PTPRD: variants seen among roughly 807,000 people sequenced by gnomAD.
PTPRD encodes protein tyrosine phosphatase receptor type D, also known as receptor-type tyrosine-protein phosphatase delta.
Under a neutral mutation model 214.5 loss-of-function variants are expected in PTPRD, and 34 were observed. The observed-to-expected ratio is 0.16, with a 90% CI of 0.12 to 0.21. PTPRD has a LOEUF of 0.21. Among genes scored for constraint, PTPRD ranks in the 10% least tolerant of loss-of-function variants. PTPRD has a pLI of 1.00. For missense variants in PTPRD, 2,545 were observed against 2,398.7 expected, an observed-to-expected ratio of 1.06 and a Z score of -1.27; for synonymous variants, 1,128 against 845.7, an observed-to-expected ratio of 1.33 and a Z score of -5.79.
chr9:10,197,475 C>T (rs1439732972), intron 3 of PTPRD, among the ~76,000 whole-genome samples: 2 of 152,078 alleles, frequency 1.3e-5, no homozygotes, highest in South Asian at 4.2e-4. Flanking sequence ...GGCATTACTC[C>T]CTATATAATT....
chr9:9,336,892 C>T (rs1193746578), intron 9 of PTPRD, among the ~76,000 whole-genome samples: 2 of 151,954 alleles, frequency 1.3e-5, no homozygotes, highest in Non-Finnish European at 2.9e-5. Flanking sequence ...TTGTGAACTT[C>T]GACAGCTATT....
intron 10 of PTPRD, among the ~76,000 whole-genome samples, chr9:9,056,607 T>C (rs778535011): frequency 3.9e-5 from 6 of 152,208 alleles, no homozygotes; most frequent in Non-Finnish European, 7.3e-5. Flanking sequence ...AAAAGAGTGG[T>C]TTAAGACTTC....
chr9:10,584,573 T>C (rs2073272004), intron 2 of PTPRD, among the ~76,000 whole-genome samples: 1 of 152,174 alleles, frequency 6.6e-6, no homozygotes, highest in South Asian at 2.1e-4. Context: ...GGTAGACTTC[T>C]TTACATTTTC....
chr9:8,346,388 G>C (rs993430940), intron 39 of PTPRD, among the ~76,000 whole-genome samples: 2 of 152,076 alleles, frequency 1.3e-5, no homozygotes, highest in African/African-American at 4.8e-5. Context: ...ACATCATATA[G>C]AGTAGTCCCC....
At chr9:8,494,007 G>GACACACAC (rs761859777) in intron 26 of PTPRD, among the ~76,000 whole-genome samples, 5 of 91,576 alleles carry the variant, frequency 5.5e-5, no homozygotes, top group African/African-American at 1.1e-4. Context: ...CAGACACACA[G>GACACACAC]ACACACACAC....
intron 9 of PTPRD, among the ~76,000 whole-genome samples, chr9:9,276,033 C>T (rs187989335): frequency 3.3e-5 from 5 of 151,444 alleles, no homozygotes; most frequent in African/African-American, 2.4e-5. Context: ...AAGACATCAT[C>T]TCAGCCCTAG....
chr9:9,507,828 T>A (rs1488366144), intron 8 of PTPRD, among the ~76,000 whole-genome samples: 6 of 151,484 alleles, frequency 4.0e-5, no homozygotes, highest in Non-Finnish European at 7.4e-5. Context: ...TTCAGGTTGC[T>A]ATGGTAATTA....
chr9:9,921,752 TAA>T (rs201619783), intron 5 of PTPRD, among the ~76,000 whole-genome samples: 13,072 of 135,752 alleles, frequency 0.096, 1,209 homozygotes, highest in East Asian at 0.29. Context: ...TTTATAGAAG[TAA>T]AAAAAAAAAA....
chr9:9,309,951 T>A (rs1595570454), intron 9 of PTPRD, among the ~76,000 whole-genome samples: 1 of 152,148 alleles, frequency 6.6e-6, no homozygotes, highest in East Asian at 1.9e-4. Flanking sequence ...GTGTGAAGAT[T>A]TTTTTTTCCC....
At chr9:10,493,045 T>C (rs1465381143) in intron 2 of PTPRD, among the ~76,000 whole-genome samples, 1 of 152,096 alleles carries the variant, frequency 6.6e-6, no homozygotes, top group Non-Finnish European at 1.5e-5. Flanking sequence ...TTACAAGAGA[T>C]GTGAGGGACC....
intron 35 of PTPRD, among the ~76,000 whole-genome samples, chr9:8,410,232 G>C (rs756561720): frequency 7.9e-5 from 12 of 152,226 alleles, no homozygotes; most frequent in Non-Finnish European, 1.6e-4. Flanking sequence ...TTTCTTCAAA[G>C]AGAAGAGCAT....
intron 10 of PTPRD, among the ~76,000 whole-genome samples, chr9:9,040,159 T>A (rs942904170): frequency 6.6e-6 from 1 of 152,198 alleles, no homozygotes; most frequent in Non-Finnish European, 1.5e-5. Context: ...GAAAGGGCTA[T>A]GAAACTCAAG....
intron 2 of PTPRD, among the ~76,000 whole-genome samples, chr9:10,604,540 G>A (rs1373455701): frequency 2.0e-5 from 3 of 151,788 alleles, no homozygotes; most frequent in Non-Finnish European, 4.4e-5. Context: ...CTTAATCCCT[G>A]AGACAATTAT....
chr9:10,453,336 T>C (rs1426721114), intron 2 of PTPRD, among the ~76,000 whole-genome samples: 3 of 151,688 alleles, frequency 2.0e-5, no homozygotes, highest in Non-Finnish European at 3.0e-5. Context: ...AGAAGTTCTT[T>C]TAATTTAAAA....
chr9:9,322,709 A>C (rs890372923), intron 9 of PTPRD, among the ~76,000 whole-genome samples: 1 of 152,118 alleles, frequency 6.6e-6, no homozygotes, highest in African/African-American at 2.4e-5. Context: ...GTATGAGGGA[A>C]TTTAGCACTT....
intron 10 of PTPRD, among the ~76,000 whole-genome samples, chr9:9,026,642 T>G (rs1259867805): frequency 6.6e-6 from 1 of 151,996 alleles, no homozygotes; most frequent in Non-Finnish European, 1.5e-5. Context: ...GCTCTTGATT[T>G]TTTTTGTTTC....
intron 8 of PTPRD, among the ~76,000 whole-genome samples, chr9:9,459,861 A>G (rs59548344): frequency 0.015 from 2,215 of 152,224 alleles, 53 homozygotes; most frequent in African/African-American, 0.05. Flanking sequence ...ATTCATATGG[A>G]ACCCAAAAAG....
chr9:8,316,742 A>C lies in PTPRD; in HGVS notation c.*1132T>G. 2 of 230,574 alleles carry C rather than the reference A, an allele frequency of 8.7e-6. No individual in the cohort carries two copies. The highest frequency in any genetic ancestry group is 1.7e-5 in the Non-Finnish European group (2 of 116,718). The allele number at this position is 230,574 out of a possible 1,614,324, so 14.3% of individuals were successfully genotyped here. On this transcript the variant is annotated 3_prime_UTR_variant, in exon 46 of 46. Transcript: ENST00000381196. ...GTTAGGTGGGGGTAGATTAGGTAGG[A>C]AATCAGGGGGTGAGGTTTGACAATC...
At chr9:10,267,413 A>C (rs1477005962) in intron 3 of PTPRD, among the ~76,000 whole-genome samples, 1 of 152,118 alleles carries the variant, frequency 6.6e-6, no homozygotes, top group Non-Finnish European at 1.5e-5. Flanking sequence ...AATGTACGTT[A>C]ATGTATTATT....
Sources: gnomAD v4.1 joint callset for allele counts (sites outside exome capture counted in the v4.1 genomes callset) on GRCh38, gnomAD v4.1.1 for gene constraint, MANE v1.5 for transcripts, NCBI Gene and HGNC (gene_info 2026-07-23, HGNC 2026-07-21) for gene names.